Variants in PTPRD observed in about 807,000 individuals in gnomAD.
The protein encoded by PTPRD is protein tyrosine phosphatase receptor type D.
In PTPRD, 34 loss-of-function variants were observed where a neutral mutation model predicts 214.5. The observed-to-expected ratio is 0.16, with a 90% CI of 0.12 to 0.21. The LOEUF (loss-of-function observed/expected upper bound fraction) is 0.21, where lower values mean the gene tolerates loss of function less well. PTPRD is among the 10% of genes least tolerant of loss of function. PTPRD has a pLI of 1.00. For missense variants in PTPRD, 2,545 were observed against 2,398.7 expected (o/e 1.06, Z -1.27); for synonymous variants, 1,128 against 845.7 (o/e 1.33, Z -5.79).
chr9:10,070,971 C>A (rs1205004380), intron 3 of PTPRD, among the ~76,000 whole-genome samples: 2 of 151,824 alleles, frequency 1.3e-5, no homozygotes, highest in African/African-American at 4.8e-5. Flanking sequence ...TTCTTTCTTC[C>A]ATATGAGAAA....
At chr9:10,056,609 C>T (rs1050514660) in intron 3 of PTPRD, among the ~76,000 whole-genome samples, 1 of 151,964 alleles carries the variant, frequency 6.6e-6, no homozygotes, top group African/African-American at 2.4e-5. Flanking sequence ...GAACAATATC[C>T]ATCTTTGCAA....
chr9:10,563,647 T>TGTTTTGTTGTTATC (rs2064689704), intron 2 of PTPRD, among the ~76,000 whole-genome samples: 2 of 148,950 alleles, frequency 1.3e-5, no homozygotes, highest in South Asian at 4.3e-4. Context: ...CTGTTGTTGT[T>TGTTTTGTTGTTATC]GTTGTTTTGT....
At chr9:10,457,555 AT>A (rs2098927671) in intron 2 of PTPRD, among the ~76,000 whole-genome samples, 1 of 151,924 alleles carries the variant, frequency 6.6e-6, no homozygotes, top group Non-Finnish European at 1.5e-5. Flanking sequence ...AATTATTTCC[AT>A]TTTGGGGCTG....
chr9:8,442,257 T>G (rs1432284526), intron 34 of PTPRD, among the ~76,000 whole-genome samples: 1 of 151,880 alleles, frequency 6.6e-6, no homozygotes, highest in East Asian at 1.9e-4. Flanking sequence ...AGTCCTGCTC[T>G]GTTTTACTAA....
intron 11 of PTPRD, among the ~76,000 whole-genome samples, chr9:8,843,468 G>C (rs951792752): frequency 1.3e-5 from 2 of 152,080 alleles, no homozygotes; most frequent in Non-Finnish European, 2.9e-5. Flanking sequence ...GGTAGACTAG[G>C]GCTGTCTAAT....
chr9:10,558,351 TAAAAGTTTCAGAGTCCTGGTAAAAG>T, intron 2 of PTPRD, among the ~76,000 whole-genome samples: 1 of 152,284 alleles, frequency 6.6e-6, no homozygotes, highest in Middle Eastern at 3.4e-3. Flanking sequence ...GAAAAAATAA[TAAAAGTTTCAGAGTCCTGGTAAAAG>T]TAATTTGACT....
chr9:9,532,343 G>C (rs184984684), intron 8 of PTPRD, among the ~76,000 whole-genome samples: 4 of 152,208 alleles, frequency 2.6e-5, no homozygotes, highest in African/African-American at 9.6e-5. Flanking sequence ...AATGAAAGCT[G>C]GATTGTTTCA....
In PTPRD at chr9:8,338,925, G is replaced by A. The variant is rs2132218288; in HGVS notation, c.5376C>T (p.Ala1792=). The change falls in exon 43 of 46, where the codon GCC becomes GCT. Residue 1792 remains alanine, a synonymous_variant. Transcript: ENST00000381196. ...YILREFKVTD[A]RDGQSRTVRQ... ...GTTGAAGACTGTGCCAACTTACCCT[G>A]GCATCTGTGACCTTGAATTCCCTTA... The A allele has an allele frequency of 6.2e-7, 1 of 1,606,674 alleles. No homozygotes were observed. Among genetic ancestry groups the A allele is most frequent in the Non-Finnish European group, 8.5e-7 (1 of 1,175,496 alleles).
chr9:10,158,729 T>C (rs1410903367), intron 3 of PTPRD, among the ~76,000 whole-genome samples: 5 of 152,106 alleles, frequency 3.3e-5, no homozygotes, highest in African/African-American at 1.2e-4. Flanking sequence ...CATGGAAAAT[T>C]TCCCCCTGAC....
At chr9:8,340,510 G>C (rs1013978833) in intron 41 of PTPRD, 41 bp from the exon 42 acceptor site, 5 of 1,501,900 alleles carry the variant, frequency 3.3e-6, no homozygotes, top group African/African-American at 1.4e-5. Flanking sequence ...AAAGTATTTA[G>C]AGAACATGCA....
rs141962478 is a variant in PTPRD, at chr9:8,421,370, T to TTCTCTTC, written c.4086+15221_4086+15222insGAAGAGA. Reference sequence around the variant, plus strand: ...CTTTCTTCTTCTCTCTTCTCTTCTCTTCTCTCTCTCTCTCTCTTTCTTTCT... The same window carrying TTCTCTTC: ...CTTTCTTCTTCTCTCTTCTCTTCTCTTCTCTTCTCTCTCTCTCTCTCTCTTTCTTTCT... On this transcript the variant is annotated intron_variant, in intron 35 of 45. Coordinates refer to ENST00000381196, the MANE Select transcript of PTPRD (RefSeq NM_002839.4). Among the ~76,000 whole-genome samples, 1,060 of 146,742 alleles carry TTCTCTTC rather than the reference T, an allele frequency of 7.2e-3. 12 individuals are homozygous for TTCTCTTC. The highest frequency in any genetic ancestry group is 0.025 in the African/African-American group (929 of 37,636).
intron 10 of PTPRD, among the ~76,000 whole-genome samples, chr9:9,167,721 C>T (rs1425456954): frequency 2.0e-5 from 3 of 152,068 alleles, no homozygotes; most frequent in African/African-American, 7.2e-5. Flanking sequence ...CGCCATTGCA[C>T]TCCAGCCTAG....
intron 8 of PTPRD, among the ~76,000 whole-genome samples, chr9:9,507,347 G>C (rs898058234): frequency 6.6e-6 from 1 of 151,068 alleles, no homozygotes; most frequent in Non-Finnish European, 1.5e-5. Context: ...AGGATAAATA[G>C]TGCTTTTTAT....
intron 14 of PTPRD, among the ~76,000 whole-genome samples, chr9:8,562,522 G>C (rs1019837660): frequency 1.3e-5 from 2 of 151,662 alleles, no homozygotes; most frequent in Admixed American, 1.3e-4. Context: ...CTGCAACCTC[G>C]AACTCCCAGG....
chr9:9,989,875 A>G (rs974209567), intron 4 of PTPRD, among the ~76,000 whole-genome samples: 2 of 152,120 alleles, frequency 1.3e-5, no homozygotes, highest in African/African-American at 4.8e-5. Flanking sequence ...GCTCACCTGC[A>G]TGCTCCCTGC....
rs547622557 is a variant in PTPRD, at chr9:9,174,660, T to G, written c.-143+8644A>C. ...CAACAAAGGATATTACATAAGAGAT[T>G]TCATAATCTTATTTAATAACTATAG... On this transcript the variant is annotated intron_variant, in intron 10 of 45. Transcript: ENST00000381196. 3.0e-4 allele frequency among the ~76,000 whole-genome samples: 46 copies of G among 152,264 alleles called. 1 individual carries two copies. The highest frequency in any genetic ancestry group is 9.9e-4 in the African/African-American group (41 of 41,562).
At chr9:9,434,588 A>T (rs2084465642) in intron 8 of PTPRD, among the ~76,000 whole-genome samples, 1 of 152,144 alleles carries the variant, frequency 6.6e-6, no homozygotes, top group South Asian at 2.1e-4. Flanking sequence ...CAAAAAGAAC[A>T]AAGTTGGAGG....
intron 3 of PTPRD, among the ~76,000 whole-genome samples, chr9:10,182,985 C>A (rs191509918): frequency 1.3e-5 from 2 of 152,148 alleles, no homozygotes; most frequent in African/African-American, 4.8e-5. Context: ...GGCTTCTAAT[C>A]TTGGCTAAGT....
chr9:9,110,244 A>G (rs1591777582), intron 10 of PTPRD, among the ~76,000 whole-genome samples: 1 of 152,106 alleles, frequency 6.6e-6, no homozygotes, highest in African/African-American at 2.4e-5. Context: ...GTGACACCCA[A>G]ATAAAAACCC....
Sources: gnomAD v4.1 joint callset for allele counts (sites outside exome capture counted in the v4.1 genomes callset) on GRCh38, gnomAD v4.1.1 for gene constraint, MANE v1.5 for transcripts, NCBI Gene and HGNC (gene_info 2026-07-23, HGNC 2026-07-21) for gene names.